ATF6: variants seen among roughly 807,000 people sequenced by gnomAD.
The protein encoded by ATF6 is cyclic AMP-dependent transcription factor ATF-6 alpha.
Under a neutral mutation model 83.6 loss-of-function variants are expected in ATF6, and 53 were observed. That is an observed-to-expected ratio of 0.63 (90% CI 0.51 to 0.80). The LOEUF is 0.80. Among genes scored for constraint, ATF6 ranks in the 30% least tolerant of loss-of-function variants. The pLI, the probability that ATF6 is intolerant of heterozygous loss-of-function variation, is 0.00. For synonymous variants in ATF6, 288 were observed against 285.8 expected, an observed-to-expected ratio of 1.01 and a Z score of -0.08; for missense variants, 744 against 797.9, an observed-to-expected ratio of 0.93 and a Z score of 0.81.
chr1:161,784,068 A>C lies in ATF6; in HGVS notation c.326A>C (p.Asp109Ala), dbSNP rs2271011. 6.2e-7 allele frequency: 1 copy of C among 1,613,018 alleles called. No homozygotes were observed. The highest frequency in any genetic ancestry group is 1.3e-5 in the African/African-American group (1 of 74,786). The change falls in exon 4 of 16, where the codon GAC becomes GCC. Residue 109 changes from aspartate (D) to alanine (A), a missense_variant. Coordinates refer to ENST00000367942, the MANE Select transcript of ATF6 (RefSeq NM_007348.4). ...SYSVSSPRSV[D>A]SYSSTQHVPE... is the part of the protein sequence containing the mutation. The stretch of plus-strand genomic sequence containing the variant: ...TCAGTCTCGTCTCCTCGGTCAGTGG[A>C]CTCTTATTCTTCAACTCAGCATGTT...
intron 14 of ATF6, among the ~76,000 whole-genome samples, chr1:161,875,683 A>G (rs899758459): frequency 6.6e-6 from 1 of 151,852 alleles, no homozygotes; most frequent in African/African-American, 2.4e-5. Context: ...ACCCAAGGCT[A>G]AACAACTATA....
At position 161,888,516 on chromosome 1, in the gene ATF6, T is replaced by C. The variant is rs570384011; in HGVS notation, c.1720-23780T>C. On this transcript the variant is annotated intron_variant, in intron 14 of 15. Transcript: ENST00000367942. ...TCTAATTCACCTCTTGGGGGAGGTT[T>C]AATGTAACTATAAATAAAAATTCTT... Among the ~76,000 whole-genome samples, 36 of 152,302 alleles carry C rather than the reference T, an allele frequency of 2.4e-4. 1 individual carries two copies. In the South Asian group the frequency reaches 7.0e-3, roughly 30 times the overall value.
In ATF6 at chr1:161,949,532, A is replaced by G. The variant is rs550157066; in HGVS notation, c.1805-8914A>G. The stretch of plus-strand genomic sequence containing the variant: ...AGGAATACCTGAGGCTGGGTAATAT[A>G]TAAAGAAAAGAGGTTTATTTAGCTC... On this transcript the variant is annotated intron_variant, in intron 15 of 15. Transcript: ENST00000367942. 8.5e-5 allele frequency among the ~76,000 whole-genome samples: 13 copies of G among 152,290 alleles called. No individual in the cohort carries two copies. The East Asian group carries it at 1.5e-3, about 18-fold the overall frequency.
chr1:161,833,884 C>G (rs1011693625), intron 9 of ATF6, among the ~76,000 whole-genome samples: 2 of 152,122 alleles, frequency 1.3e-5, no homozygotes, highest in African/African-American at 4.8e-5. Flanking sequence ...GGCCAACATT[C>G]AAATTCAGGA....
intron 4 of ATF6, 150 bp from the exon 5 acceptor site, chr1:161,791,258 T>C (rs1684873357): frequency 4.2e-6 from 2 of 479,238 alleles, no homozygotes; most frequent in Admixed American, 4.1e-5. Flanking sequence ...TAGTCACTTA[T>C]TACTTAATAT....
chr1:161,859,416 A>G (rs1384114072), intron 12 of ATF6, among the ~76,000 whole-genome samples: 2 of 152,188 alleles, frequency 1.3e-5, no homozygotes, highest in Non-Finnish European at 2.9e-5. Flanking sequence ...TCAAATATTT[A>G]ATTTTGTAGC....
At chr1:161,788,608 G>A (rs1277900819) in intron 4 of ATF6, among the ~76,000 whole-genome samples, 2 of 151,562 alleles carry the variant, frequency 1.3e-5, no homozygotes, top group Non-Finnish European at 2.9e-5. Context: ...TATTTAAGAA[G>A]TCCTTCTATG....
chr1:161,912,145 CT>C, intron 14 of ATF6, 150 bp from the exon 15 acceptor site: 1 of 515,636 alleles, frequency 1.9e-6, no homozygotes, highest in Admixed American at 3.9e-5. Flanking sequence ...TGATTCTAAG[CT>C]GGTTTGTAGT....
Position 161,784,056 on chromosome 1 carries a change from C to A in ATF6, c.314C>A (p.Pro105His). The change falls in exon 4 of 16, where the codon CCT (proline) becomes CAT (histidine). Residue 105 changes from proline to histidine, a missense_variant. Pro to His is a moderately conservative substitution (Grantham distance 77). Coordinates refer to ENST00000367942, the MANE Select transcript of ATF6 (RefSeq NM_007348.4). ...TCCTCAAGTTATTCAGTCTCGTCTC[C>A]TCGGTCAGTGGACTCTTATTCTTCA... ...PASSSYSVSS[P>H]RSVDSYSSTQ... is the part of the protein sequence containing the mutation. The A allele has an allele frequency of 6.2e-7, 1 of 1,613,738 alleles. No homozygotes were observed. The highest frequency in any genetic ancestry group is 2.2e-5 in the East Asian group (1 of 44,830).
intron 14 of ATF6, among the ~76,000 whole-genome samples, chr1:161,889,736 T>C (rs1687508592): frequency 6.6e-6 from 1 of 152,224 alleles, no homozygotes; most frequent in South Asian, 2.1e-4. Context: ...CAAATGTCAA[T>C]AATTTTAGTA....
chr1:161,944,904 G>A (rs1056301492), intron 15 of ATF6, among the ~76,000 whole-genome samples: 2 of 152,216 alleles, frequency 1.3e-5, no homozygotes, highest in Non-Finnish European at 2.9e-5. Context: ...AATAAGTCAG[G>A]CCATTGGTTA....
At chr1:161,831,945 A>T (rs1050361562) in intron 9 of ATF6, among the ~76,000 whole-genome samples, 1 of 110,346 alleles carries the variant, frequency 9.1e-6, no homozygotes, top group Non-Finnish European at 1.9e-5. Flanking sequence ...AAAGTATAAT[A>T]AAAAAAAAAA....
intron 1 of ATF6, among the ~76,000 whole-genome samples, chr1:161,769,203 T>G (rs1464483484): frequency 6.6e-6 from 1 of 152,304 alleles, no homozygotes; most frequent in African/African-American, 2.4e-5. Context: ...CTATAAAGCT[T>G]TATAGACACT....
At chr1:161,884,182 T>G (rs1284360378) in intron 14 of ATF6, among the ~76,000 whole-genome samples, 1 of 152,082 alleles carries the variant, frequency 6.6e-6, no homozygotes, top group African/African-American at 2.4e-5. Flanking sequence ...GATTAAATTG[T>G]TTTTATTTTT....
Position 161,829,189 on chromosome 1 carries a change from C to CTTTTTTTTTTTTTT in ATF6, c.1187+8040_1187+8053dup, listed in dbSNP as rs35619050. On this transcript the variant is annotated intron_variant, in intron 9 of 15. Transcript: ENST00000367942. ...ACTCCCACACAATCATAATGGGAGACTTTTTTTTTTTTTTTTTTTTTTTTT... is the reference window on the plus strand; with the variant it reads ...ACTCCCACACAATCATAATGGGAGACTTTTTTTTTTTTTTTTTTTTTTTTTTTTTTTTTTTTTTT... Among the ~76,000 whole-genome samples the CTTTTTTTTTTTTTT allele has an allele frequency of 6.1e-4, 44 of 72,588 alleles. 2 individuals carry two copies. Among genetic ancestry groups the CTTTTTTTTTTTTTT allele is most frequent in the African/African-American group, 1.2e-3 (23 of 18,672 alleles). 47.6% of individuals were successfully genotyped at this position (72,588 alleles called of 152,430 possible).
intron 14 of ATF6, among the ~76,000 whole-genome samples, chr1:161,870,111 A>G (rs1291169516): frequency 6.6e-6 from 1 of 151,774 alleles, no homozygotes. Context: ...AAATTAATCT[A>G]ACCCTCCAAA....
At chr1:161,922,145 T>G (rs1456275791) in intron 15 of ATF6, among the ~76,000 whole-genome samples, 2 of 152,228 alleles carry the variant, frequency 1.3e-5, no homozygotes, top group Non-Finnish European at 2.9e-5. Context: ...CAATTCACCC[T>G]GCATACTGCT....
At chr1:161,904,837 G>A (rs894089879) in intron 14 of ATF6, among the ~76,000 whole-genome samples, 2 of 152,168 alleles carry the variant, frequency 1.3e-5, no homozygotes. Context: ...TCTAATGCGA[G>A]CAAGTGTTGA....
At chr1:161,803,378 T>G (rs1685203540) in intron 7 of ATF6, among the ~76,000 whole-genome samples, 1 of 152,202 alleles carries the variant, frequency 6.6e-6, no homozygotes, top group Non-Finnish European at 1.5e-5. Flanking sequence ...TTGAAAACAA[T>G]GCATGTCAAG....
Sources: allele counts gnomAD v4.1 joint callset (sites outside exome capture counted in the v4.1 genomes callset), GRCh38; gene constraint gnomAD v4.1.1; transcripts MANE v1.5; gene names NCBI Gene and HGNC (gene_info 2026-07-23, HGNC 2026-07-21).